The following TNS3 variants were observed in gnomAD, a reference collection of about 807,000 sequenced individuals.
TNS3 encodes the protein tensin-3.
A neutral mutation model predicts 140.9 loss-of-function variants in TNS3; 45 were observed. The observed-to-expected ratio is 0.32, with a 90% CI of 0.25 to 0.41. TNS3 has a LOEUF of 0.41. Ranked by LOEUF, TNS3 falls within the 10% of genes least tolerant of loss-of-function variation. The probability of loss-of-function intolerance (pLI) is 1.00; values close to 1 mark genes in which losing one functional copy is unlikely to be tolerated. For synonymous variants in TNS3, 815 were observed against 788.4 expected, an observed-to-expected ratio of 1.03 and a Z score of -0.56; for missense variants, 1,716 against 1,906.7, an observed-to-expected ratio of 0.90 and a Z score of 1.86.
intron 13 of TNS3, among the ~76,000 whole-genome samples, chr7:47,411,505 G>C (rs1793766203): frequency 1.3e-5 from 2 of 151,974 alleles, no homozygotes; most frequent in South Asian, 4.1e-4. Flanking sequence ...AGGTGGTCAT[G>C]CTCGCTCGCT....
intron 20 of TNS3, among the ~76,000 whole-genome samples, chr7:47,330,930 C>T (rs530837317): frequency 6.6e-6 from 1 of 152,296 alleles, no homozygotes; most frequent in Non-Finnish European, 1.5e-5. Context: ...GGGCTGCATC[C>T]CATCACCTCC....
chr7:47,386,320 G>A (rs1042053328), intron 16 of TNS3, among the ~76,000 whole-genome samples: 6 of 152,192 alleles, frequency 3.9e-5, no homozygotes, highest in African/African-American at 1.4e-4. Flanking sequence ...CATTTGCTGG[G>A]GACGCCCTCC....
At chr7:47,344,621 T>G (rs772230819) in intron 20 of TNS3, 134 bp downstream of exon 20, 330 of 856,432 alleles carry the variant, frequency 3.9e-4, no homozygotes, top group Non-Finnish European at 4.4e-4. Flanking sequence ...GCAAGATCCA[T>G]CCTCATCCAA....
Position 47,499,000 on chromosome 7 carries a change from G to A in TNS3, c.-115+7907C>T, listed in dbSNP as rs571903552. Among the ~76,000 whole-genome samples the A allele has an allele frequency of 6.6e-5, 10 of 152,376 alleles. No individual in the cohort carries two copies. The South Asian group carries it at 1.7e-3, about 25-fold the overall frequency. ...TGGCTTGGTCCTGCTGGCCACCTTC[G>A]AGTCCAAGAAAGGCCTAGAAGTCCA... On this transcript the variant is annotated intron_variant, in intron 3 of 30. Transcript: ENST00000311160.
intron 9 of TNS3, 93 bp from the exon 10 acceptor site, chr7:47,424,277 C>A (rs1259498099): frequency 7.3e-6 from 9 of 1,237,332 alleles, no homozygotes; most frequent in Non-Finnish European, 9.2e-6. Flanking sequence ...CTGTTCAAAG[C>A]GACCAGCTCC....
intron 20 of TNS3, among the ~76,000 whole-genome samples, chr7:47,338,362 T>C (rs1788752448): frequency 6.6e-6 from 1 of 152,232 alleles, no homozygotes; most frequent in African/African-American, 2.4e-5. Flanking sequence ...GTATTGGATG[T>C]TGTCACTATT....
At chr7:47,543,644 C>T (rs138386703) in intron 1 of TNS3, among the ~76,000 whole-genome samples, 10 of 128,866 alleles carry the variant, frequency 7.8e-5, no homozygotes, top group African/African-American at 2.8e-4. Context: ...TTGTCCTTTA[C>T]ACAACACTGT....
At chr7:47,432,714 T>C (rs181365701) in intron 8 of TNS3, among the ~76,000 whole-genome samples, 1 of 152,348 alleles carries the variant, frequency 6.6e-6, no homozygotes, top group Non-Finnish European at 1.5e-5. Context: ...GAAGCAGCCA[T>C]GGATGTACGT....
chr7:47,359,538 G>A (rs1489572019), intron 17 of TNS3, among the ~76,000 whole-genome samples: 1 of 152,166 alleles, frequency 6.6e-6, no homozygotes, highest in African/African-American at 2.4e-5. Context: ...TGATTAAAAT[G>A]CTAAATTTTA....
At chr7:47,502,255 A>G (rs569618236) in intron 3 of TNS3, among the ~76,000 whole-genome samples, 30 of 152,306 alleles carry the variant, frequency 2.0e-4, no homozygotes, top group Admixed American at 7.8e-4. Context: ...GGGACCCAGC[A>G]GGCCCGTATC....
chr7:47,439,569 G>T lies in TNS3; in HGVS notation c.68C>A (p.Ala23Asp), dbSNP rs773222494. ...CAGGTAGGACTCCTCAGAGCAGCCG[G>T]CAGGGAAGGACACAGCGATGATGCG... ...TERIIAVSFP[A>D]GCSEESYLHN... Residue 23 changes from alanine to aspartate, a missense_variant, in exon 6 of 31, where the codon GCC becomes GAC. Around this residue, in one of 3 missense-constraint regions of TNS3, gnomAD observed 337 missense variants for 428.9 expected, o/e 0.79. Coordinates refer to ENST00000311160, the MANE Select transcript of TNS3 (RefSeq NM_022748.12). 3.7e-6 allele frequency: 6 copies of T among 1,614,080 alleles called. No individual in the cohort carries two copies. The highest frequency in any genetic ancestry group is 5.1e-6 in the Non-Finnish European group (6 of 1,179,992).
chr7:47,492,251 A>C (rs765963796), intron 3 of TNS3, among the ~76,000 whole-genome samples: 2 of 152,156 alleles, frequency 1.3e-5, no homozygotes, highest in Non-Finnish European at 2.9e-5. Context: ...CCCTCACCAC[A>C]GCTCTCTGTT....
intron 3 of TNS3, among the ~76,000 whole-genome samples, chr7:47,497,991 C>A (rs1236563541): frequency 6.6e-6 from 1 of 152,230 alleles, no homozygotes; most frequent in Non-Finnish European, 1.5e-5. Flanking sequence ...CTGGCCCCTT[C>A]TCTCCTCCGT....
intron 1 of TNS3, chr7:47,539,106 C>G (rs1446506617): frequency 4.4e-6 from 2 of 456,710 alleles, no homozygotes; most frequent in Admixed American, 4.7e-5. Flanking sequence ...CCAAAGAAAT[C>G]TGAATTCAGC....
chr7:47,358,749 T>A (rs150031026), intron 17 of TNS3, among the ~76,000 whole-genome samples: 7 of 152,318 alleles, frequency 4.6e-5, no homozygotes, highest in African/African-American at 1.4e-4. Flanking sequence ...AAAGACCATG[T>A]TGCTTTATGT....
intron 27 of TNS3, 105 bp from the exon 28 acceptor site, chr7:47,283,970 C>T: frequency 1.8e-6 from 2 of 1,127,706 alleles, no homozygotes; most frequent in Non-Finnish European, 1.2e-6. Context: ...TTATGAACAA[C>T]TTGCGCATGT....
At chr7:47,302,745 G>A (rs1383473257) in intron 22 of TNS3, among the ~76,000 whole-genome samples, 1 of 152,238 alleles carries the variant, frequency 6.6e-6, no homozygotes, top group African/African-American at 2.4e-5. Context: ...GCCAAACACA[G>A]AAGCCAAGAA....
At chr7:47,309,155 C>G (rs1786932431) in intron 20 of TNS3, among the ~76,000 whole-genome samples, 2 of 152,192 alleles carry the variant, frequency 1.3e-5, no homozygotes, top group Non-Finnish European at 2.9e-5. Context: ...GCCTGATGCC[C>G]ATTGGCTTGG....
chr7:47,509,099 C>T (rs1158431668), intron 2 of TNS3, among the ~76,000 whole-genome samples: 1 of 152,204 alleles, frequency 6.6e-6, no homozygotes, highest in Non-Finnish European at 1.5e-5. Context: ...TGTCATGCAA[C>T]ACGCCAACTC....
Sources: allele counts gnomAD v4.1 joint callset (sites outside exome capture counted in the v4.1 genomes callset), GRCh38; gene constraint gnomAD v4.1.1; regional missense constraint gnomAD v4.1.1; transcripts MANE v1.5; gene names NCBI Gene and HGNC (gene_info 2026-07-23, HGNC 2026-07-21).